Variants in ICAM2 observed in about 807,000 individuals in gnomAD.
ICAM2 encodes intercellular adhesion molecule 2, also known as ICAM-2.
ICAM2 carries 14 observed loss-of-function variants against 19.1 expected under a neutral mutation model. The observed-to-expected ratio is 0.73, with a 90% CI of 0.48 to 1.15. ICAM2 has a LOEUF of 1.15. Among genes scored for constraint, ICAM2 ranks in the 50% most tolerant of loss-of-function variants. The pLI, the probability that ICAM2 is intolerant of heterozygous loss-of-function variation, is 0.00. For synonymous variants in ICAM2, 153 were observed against 152.7 expected (o/e 1.00, Z -0.01); for missense variants, 311 against 355.4 (o/e 0.88, Z 1.00).
At chr17:64,014,763 AAG>A (rs1331046047) in intron 1 of ICAM2, among the ~76,000 whole-genome samples, 192 of 133,916 alleles carry the variant, frequency 1.4e-3, no homozygotes, top group African/African-American at 4.9e-3. Context: ...GAAAGAAAGA[AAG>A]AAAAAGAAAG....
chr17:64,003,111 A>G, intron 4 of ICAM2, 186 bp from the exon 5 acceptor site: 1 of 581,266 alleles, frequency 1.7e-6, no homozygotes, highest in South Asian at 2.2e-5. Flanking sequence ...TATCTGGAAA[A>G]AAGGTGGCCC....
intron 1 of ICAM2, among the ~76,000 whole-genome samples, chr17:64,014,385 A>AAAGAC (rs1780452711): frequency 1.6e-5 from 1 of 64,280 alleles, no homozygotes. Context: ...GAAAGGAAGG[A>AAAGAC]AGGAAGGAAG....
rs147102489 is a variant in ICAM2 at position 64,019,732 on chromosome 17, C to T, written c.-45+791G>A. On this transcript the variant is annotated intron_variant, in intron 1 of 4. Coordinates refer to ENST00000579788, the MANE Select transcript of ICAM2 (RefSeq NM_001099789.2). The stretch of plus-strand genomic sequence containing the variant: ...TTGGGAGGCTGAGACAAGAGAATCG[C>T]TTGAACCCAGCAGGCGAAGGTTGTG... Among the ~76,000 whole-genome samples, 94 of 148,586 alleles carry T rather than the reference C, an allele frequency of 6.3e-4. 2 individuals are homozygous for T. Among genetic ancestry groups the T allele is most frequent in the African/African-American group, 2.2e-3 (90 of 40,458 alleles).
rs28529366 is a variant in ICAM2 at position 64,016,767 on chromosome 17, A to G, written c.-45+3756T>C. Among the ~76,000 whole-genome samples the G allele has an allele frequency of 4.4e-3, 664 of 152,082 alleles. 3 individuals are homozygous for G. The highest frequency in any genetic ancestry group is 0.015 in the African/African-American group (635 of 41,470). ...CCTTCACCCCCTGCTTCCTGGAATC[A>G]CCTCTCAAATAACCTATCTGAATCT... On this transcript the variant is annotated intron_variant, in intron 1 of 4. Coordinates refer to ENST00000579788, the MANE Select transcript of ICAM2 (RefSeq NM_001099789.2).
intron 1 of ICAM2, among the ~76,000 whole-genome samples, chr17:64,019,839 A>AG (rs1195870331): frequency 6.7e-6 from 1 of 150,166 alleles, no homozygotes; most frequent in African/African-American, 2.5e-5. Flanking sequence ...AAAAAAAAAA[A>AG]AGCAGATAAG....
intron 1 of ICAM2, among the ~76,000 whole-genome samples, chr17:64,016,021 ACT>A (rs1911706322): frequency 6.6e-6 from 1 of 151,992 alleles, no homozygotes; most frequent in African/African-American, 2.4e-5. Flanking sequence ...TTTTATAAAA[ACT>A]CTCTCTGAGA....
chr17:64,004,036 C>T, intron 3 of ICAM2, 72 bp from the exon 4 acceptor site: 1 of 1,174,282 alleles, frequency 8.5e-7, no homozygotes, highest in Admixed American at 2.2e-5. Flanking sequence ...CTGGCCAGGG[C>T]CATCTCCTGT....
chr17:64,005,713 A>G (rs1275017549), intron 2 of ICAM2, among the ~76,000 whole-genome samples: 1 of 152,060 alleles, frequency 6.6e-6, no homozygotes, highest in Non-Finnish European at 1.5e-5. Context: ...CTCAGTCTTT[A>G]AGGTCAGCCC....
intron 1 of ICAM2, among the ~76,000 whole-genome samples, chr17:64,012,295 T>A (rs2143225255): frequency 6.6e-6 from 1 of 152,176 alleles, no homozygotes; most frequent in East Asian, 1.9e-4. Context: ...AGACCCTGTG[T>A]CTATTATTTT....
intron 1 of ICAM2, among the ~76,000 whole-genome samples, chr17:64,011,642 T>C (rs1911458420): frequency 6.6e-6 from 1 of 152,156 alleles, no homozygotes; most frequent in Admixed American, 6.5e-5. Context: ...CTCATGTCTG[T>C]AATCCTAATA....
At chr17:64,003,590 G>C in intron 4 of ICAM2, 54 bp downstream of exon 4, 1 of 1,528,346 alleles carries the variant, frequency 6.5e-7, no homozygotes, top group Non-Finnish European at 8.9e-7. Flanking sequence ...TTCTTCCCCC[G>C]AGGGGCTGAA....
At chr17:64,003,344 G>A (rs1910938513) in intron 4 of ICAM2, 1 of 473,674 alleles carries the variant, frequency 2.1e-6, no homozygotes, top group Admixed American at 3.7e-5. Flanking sequence ...GACCTCAGTG[G>A]GGGCAGTCAG....
At chr17:64,008,792 G>C (rs1312460044) in intron 1 of ICAM2, among the ~76,000 whole-genome samples, 2 of 152,336 alleles carry the variant, frequency 1.3e-5, no homozygotes, top group Non-Finnish European at 2.9e-5. Flanking sequence ...ACTGTGGGAA[G>C]GTGGGGTGAT....
chr17:64,012,736 G>A (rs188124321), intron 1 of ICAM2, among the ~76,000 whole-genome samples: 84 of 152,324 alleles, frequency 5.5e-4, no homozygotes, highest in African/African-American at 2.0e-3. Context: ...AAATAATCTA[G>A]AGGTAGTTTA....
chr17:64,010,905 G>A (rs1381108636), intron 1 of ICAM2, among the ~76,000 whole-genome samples: 1 of 152,070 alleles, frequency 6.6e-6, no homozygotes, highest in Non-Finnish European at 1.5e-5. Flanking sequence ...ATTTTTAGGA[G>A]GGAGGACACA....
intron 1 of ICAM2, among the ~76,000 whole-genome samples, chr17:64,018,333 C>CAAAAA (rs376250303): frequency 5.7e-5 from 3 of 52,718 alleles, no homozygotes; most frequent in African/African-American, 2.9e-4. Context: ...GACTCTATCT[C>CAAAAA]AAAAAAAAAA....
chr17:64,003,607 T>A (rs776589516), intron 4 of ICAM2, 37 bp downstream of exon 4: 38 of 1,574,822 alleles, frequency 2.4e-5, no homozygotes, highest in Middle Eastern at 1.7e-4. Flanking sequence ...TGAAAGTGAC[T>A]TATCACTCCC....
In ICAM2 at chr17:64,005,245, G is replaced by C; in HGVS notation, c.190C>G (p.Leu64Val). ...TGTTCGTCCAGCAGAATCTTATCTA[G>C]AGAGGTCTCCAGACCACCCACTTCA... Reference protein sequence around the residue: ...QPEVGGLETSLDKILLDEQAQ... With the variant: ...QPEVGGLETSVDKILLDEQAQ... The change falls in exon 3 of 5, where the codon CTA (leucine) becomes GTA (valine). Residue 64 changes from leucine (L) to valine (V), a missense_variant. Coordinates refer to ENST00000579788, the MANE Select transcript of ICAM2 (RefSeq NM_001099789.2). 1 of 1,614,116 alleles carries C rather than the reference G, an allele frequency of 6.2e-7. No homozygotes were observed. Among genetic ancestry groups the C allele is most frequent in the African/African-American group, 1.3e-5 (1 of 75,004 alleles).
chr17:64,014,381 AAGGAAGGAAGGAAGG>A (rs1567849342), intron 1 of ICAM2, among the ~76,000 whole-genome samples: 6 of 48,570 alleles, frequency 1.2e-4, no homozygotes, highest in African/African-American at 3.8e-4. Context: ...GAAAGAAAGG[AAGGAAGGAAGGAAGG>A]AAGGAAGGAA....
Sources: allele counts gnomAD v4.1 joint callset (sites outside exome capture counted in the v4.1 genomes callset), GRCh38; gene constraint gnomAD v4.1.1; transcripts MANE v1.5; gene names NCBI Gene and HGNC (gene_info 2026-07-23, HGNC 2026-07-21).